GRIP1: variants seen among roughly 807,000 people sequenced by gnomAD.
The protein encoded by GRIP1 is glutamate receptor-interacting protein 1.
Under a neutral mutation model 129.9 loss-of-function variants are expected in GRIP1, and 45 were observed. That is an observed-to-expected ratio of 0.35 (90% confidence interval 0.27 to 0.44). The LOEUF (loss-of-function observed/expected upper bound fraction) is 0.44, where lower values mean the gene tolerates loss of function less well. Among genes scored for constraint, GRIP1 ranks in the 20% least tolerant of loss-of-function variants. The pLI is 1.00. For synonymous variants in GRIP1, 530 were observed against 520.8 expected, an observed-to-expected ratio of 1.02 and a Z score of -0.24; for missense variants, 1,196 against 1,396.8, an observed-to-expected ratio of 0.86 and a Z score of 2.29.
At chr12:66,429,610 C>T (rs187515080) in intron 14 of GRIP1, among the ~76,000 whole-genome samples, 5 of 152,136 alleles carry the variant, frequency 3.3e-5, no homozygotes, top group African/African-American at 4.8e-5. Context: ...GTGGGAGGAT[C>T]GCTTGAGCCT....
At chr12:66,547,296 A>AG (rs35758917) in intron 2 of GRIP1, among the ~76,000 whole-genome samples, 103,034 of 151,900 alleles carry the variant, frequency 0.68, 35,464 homozygotes, top group African/African-American at 0.8. Context: ...GAGGATGCAG[A>AG]AAATTAGATC....
At chr12:66,784,485 G>T (rs1444858148) in intron 1 of GRIP1, among the ~76,000 whole-genome samples, 1 of 152,120 alleles carries the variant, frequency 6.6e-6, no homozygotes, top group Non-Finnish European at 1.5e-5. Context: ...TTAACAGTTG[G>T]CAGGGGCTGA....
chr12:66,583,662 C>A (rs1411015748), intron 2 of GRIP1, among the ~76,000 whole-genome samples: 7 of 140,120 alleles, frequency 5.0e-5, no homozygotes, highest in Non-Finnish European at 1.1e-4. Flanking sequence ...AAAAAATGCT[C>A]ATCATCACTG....
At chr12:66,988,292 A>G (rs1014332213) in intron 1 of GRIP1, among the ~76,000 whole-genome samples, 4 of 152,214 alleles carry the variant, frequency 2.6e-5, no homozygotes, top group African/African-American at 9.6e-5. Flanking sequence ...CAAAAATAAT[A>G]ATAATAAATA....
At chr12:66,952,946 T>TA (rs2041781238) in intron 1 of GRIP1, among the ~76,000 whole-genome samples, 1 of 152,214 alleles carries the variant, frequency 6.6e-6, no homozygotes, top group African/African-American at 2.4e-5. Flanking sequence ...TGAGGACTTT[T>TA]AAAAATATGC....
At chr12:66,581,621 A>C (rs1421552237) in intron 2 of GRIP1, among the ~76,000 whole-genome samples, 4 of 151,526 alleles carry the variant, frequency 2.6e-5, no homozygotes, top group African/African-American at 9.7e-5. Context: ...AGAATACTAC[A>C]AACACCTCTA....
At chr12:66,410,106 C>T (rs979540324) in intron 15 of GRIP1, among the ~76,000 whole-genome samples, 182 of 149,198 alleles carry the variant, frequency 1.2e-3, no homozygotes, top group African/African-American at 4.3e-3. Context: ...AAAAATTAGC[C>T]GGGCGTAGTG....
intron 1 of GRIP1, among the ~76,000 whole-genome samples, chr12:66,841,047 TA>T (rs796241877): frequency 5.3e-5 from 8 of 152,356 alleles, no homozygotes; most frequent in African/African-American, 1.4e-4. Context: ...ATACTTCCAT[TA>T]AAAAATTATT....
intron 2 of GRIP1, among the ~76,000 whole-genome samples, chr12:66,561,528 C>A (rs2062528905): frequency 6.6e-6 from 1 of 151,490 alleles, no homozygotes; most frequent in African/African-American, 2.4e-5. Context: ...AAAATTATAA[C>A]AATATGGTTA....
chr12:66,949,829 G>A (rs11176492), intron 1 of GRIP1, among the ~76,000 whole-genome samples: 38,073 of 145,824 alleles, frequency 0.26, 5,119 homozygotes, highest in East Asian at 0.4. Flanking sequence ...GTGCAGTGGC[G>A]TGATCTCGGC....
intron 2 of GRIP1, among the ~76,000 whole-genome samples, chr12:66,548,492 C>A (rs2062016601): frequency 6.6e-6 from 1 of 152,156 alleles, no homozygotes; most frequent in Admixed American, 6.5e-5. Flanking sequence ...GAACTAGAGT[C>A]TAAATAGAGA....
intron 1 of GRIP1, among the ~76,000 whole-genome samples, chr12:67,063,952 T>G (rs1392410829): frequency 6.6e-6 from 1 of 152,136 alleles, no homozygotes; most frequent in Non-Finnish European, 1.5e-5. Flanking sequence ...CATTTCCCAG[T>G]TTTTCACAGT....
chr12:66,381,480 C>T (rs74371226), intron 19 of GRIP1, among the ~76,000 whole-genome samples: 135 of 152,314 alleles, frequency 8.9e-4, no homozygotes, highest in Middle Eastern at 3.4e-3. Flanking sequence ...TTTTATAATA[C>T]AAAGAGTTTG....
At chr12:66,858,142 G>T (rs576434036) in intron 1 of GRIP1, among the ~76,000 whole-genome samples, 5 of 152,080 alleles carry the variant, frequency 3.3e-5, no homozygotes, top group African/African-American at 1.2e-4. Flanking sequence ...AAGTTATTCA[G>T]CATGGTAAAG....
At chr12:66,691,750 G>C (rs896035623) in intron 1 of GRIP1, among the ~76,000 whole-genome samples, 2 of 152,140 alleles carry the variant, frequency 1.3e-5, no homozygotes, top group African/African-American at 4.8e-5. Flanking sequence ...TCCCTAGGAA[G>C]AGAGTCCTTC....
At position 66,421,970 on chromosome 12, in the gene GRIP1, A is replaced by G. The variant is rs1307470206; in HGVS notation, c.1769-1181T>C. On this transcript the variant is annotated intron_variant, in intron 14 of 24. Transcript: ENST00000359742. ...GAATTGGATCCTTAAAATTAGCCATACCAACATTTGTGAAAAACAATTTGC... is the reference window on the plus strand; with the variant it reads ...GAATTGGATCCTTAAAATTAGCCATGCCAACATTTGTGAAAAACAATTTGC... 4.6e-5 allele frequency among the ~76,000 whole-genome samples: 7 copies of G among 152,196 alleles called. 1 individual carries two copies. The highest frequency in any genetic ancestry group is 1.0e-4 in the Non-Finnish European group (7 of 68,038).
intron 1 of GRIP1, among the ~76,000 whole-genome samples, chr12:66,841,886 T>C (rs1318585331): frequency 6.6e-6 from 1 of 152,142 alleles, no homozygotes; most frequent in Non-Finnish European, 1.5e-5. Context: ...GTAGGCAAAA[T>C]ACTTAAAGAC....
chr12:66,656,445 A>C (rs1030313844), intron 1 of GRIP1, among the ~76,000 whole-genome samples: 1 of 152,184 alleles, frequency 6.6e-6, no homozygotes, highest in South Asian at 2.1e-4. Flanking sequence ...GAGTAGCTGC[A>C]GCCCTCCTTA....
At chr12:66,508,239 A>T (rs988404010) in intron 7 of GRIP1, among the ~76,000 whole-genome samples, 8 of 152,206 alleles carry the variant, frequency 5.3e-5, no homozygotes, top group African/African-American at 1.4e-4. Flanking sequence ...CCGCTTAATG[A>T]TGATGATTCA....
Sources: gnomAD v4.1 joint callset for allele counts (sites outside exome capture counted in the v4.1 genomes callset) on GRCh38, gnomAD v4.1.1 for gene constraint, MANE v1.5 for transcripts, NCBI Gene and HGNC (gene_info 2026-07-23, HGNC 2026-07-21) for gene names.